Variants in VDAC1 observed in about 807,000 individuals in gnomAD.
The protein encoded by VDAC1 is voltage dependent anion channel 1.
A neutral mutation model predicts 34.7 loss-of-function variants in VDAC1; 10 were observed. The ratio of observed to expected loss-of-function variants is 0.29; its 90% confidence interval spans 0.18 to 0.49. The LOEUF (loss-of-function observed/expected upper bound fraction) is 0.49, where lower values mean the gene tolerates loss of function less well. VDAC1 is among the 20% of genes least tolerant of loss of function. The pLI is 0.99. For missense variants in VDAC1, 230 were observed against 347.9 expected (o/e 0.66, Z 2.69); for synonymous variants, 130 against 136.0 (o/e 0.96, Z 0.30).
the VDAC1 span, among the ~76,000 whole-genome samples, chr5:134,033,749 T>A: frequency 6.6e-6 from 1 of 150,928 alleles, no homozygotes; most frequent in Admixed American, 6.6e-5. Flanking sequence ...TCCCACCACT[T>A]TGGGAGGCCA....
chr5:134,074,337 TAA>T, the VDAC1 span, among the ~76,000 whole-genome samples: 2 of 150,708 alleles, frequency 1.3e-5, no homozygotes, highest in African/African-American at 4.9e-5. Flanking sequence ...AATAAATAAA[TAA>T]ATAAATAAAT....
At chr5:133,982,309 C>T (rs555472357) in intron 5 of VDAC1, among the ~76,000 whole-genome samples, 14 of 152,050 alleles carry the variant, frequency 9.2e-5, no homozygotes, top group African/African-American at 2.7e-4. Context: ...GTCAGAAGTT[C>T]GAGACCAGCC....
chr5:133,990,870 A>G lies in VDAC1; in HGVS notation c.308T>C (p.Phe103Ser). 6.4e-7 allele frequency: 1 copy of G among 1,560,914 alleles called. No homozygotes were observed. Among genetic ancestry groups the G allele is most frequent in the Non-Finnish European group, 8.7e-7 (1 of 1,152,340 alleles). The change falls in exon 5 of 9, where the codon TTC becomes TCC. Residue 103 changes from phenylalanine to serine, a missense_variant. Phe to Ser is a radical substitution (Grantham distance 155). Transcript: ENST00000265333. Reference protein sequence around the residue: ...RGLKLTFDSSFSPNTGKKNAK... With the variant: ...RGLKLTFDSSSSPNTGKKNAK... ...AAACTCTTACCCAGTGTTAGGTGAG[A>G]AGGATGAATCGAAGGTCAGCTTCAG...
At chr5:133,981,584 C>T (rs1425874255) in intron 5 of VDAC1, among the ~76,000 whole-genome samples, 1 of 152,160 alleles carries the variant, frequency 6.6e-6, no homozygotes, top group Non-Finnish European at 1.5e-5. Context: ...TGTTAGTTAG[C>T]CAGACAGTAT....
At chr5:134,077,450 T>C in the VDAC1 span, among the ~76,000 whole-genome samples, 7 of 152,168 alleles carry the variant, frequency 4.6e-5, no homozygotes, top group African/African-American at 7.2e-5. Context: ...AGATGCAGCC[T>C]CTACCCTCAT....
At chr5:134,046,250 G>A in the VDAC1 span, among the ~76,000 whole-genome samples, 13 of 151,604 alleles carry the variant, frequency 8.6e-5, no homozygotes, top group East Asian at 1.9e-4. Flanking sequence ...GGATTGTCTC[G>A]CTCTCCTGAC....
upstream of VDAC1, among the ~76,000 whole-genome samples, chr5:134,006,712 C>A (rs1753757912): frequency 6.8e-6 from 1 of 147,654 alleles, no homozygotes. Context: ...CGCTGTACTC[C>A]AGCCTGACTG....
the VDAC1 span, among the ~76,000 whole-genome samples, chr5:134,082,287 T>C: frequency 6.6e-6 from 1 of 152,246 alleles, no homozygotes; most frequent in Admixed American, 6.5e-5. Context: ...TTCCTTTATG[T>C]TTTCTAGAGT....
At chr5:133,977,947 G>T (rs1752539351) in intron 6 of VDAC1, among the ~76,000 whole-genome samples, 1 of 152,128 alleles carries the variant, frequency 6.6e-6, no homozygotes, top group Non-Finnish European at 1.5e-5. Flanking sequence ...GCATCAGATG[G>T]TCTTCAAGCC....
At chr5:134,023,538 A>G in the VDAC1 span, among the ~76,000 whole-genome samples, 1 of 152,088 alleles carries the variant, frequency 6.6e-6, no homozygotes. Flanking sequence ...CAGATAAATA[A>G]ATATGTAATT....
At chr5:134,015,536 C>G in the VDAC1 span, among the ~76,000 whole-genome samples, 1 of 152,182 alleles carries the variant, frequency 6.6e-6, no homozygotes, top group Non-Finnish European at 1.5e-5. Context: ...TCATAGCAGT[C>G]TGGATGAACT....
the VDAC1 span, among the ~76,000 whole-genome samples, chr5:134,076,432 G>A: frequency 6.6e-6 from 1 of 152,194 alleles, no homozygotes; most frequent in East Asian, 1.9e-4. Flanking sequence ...TGCCATATGT[G>A]TTTCGGTGTG....
chr5:134,033,251 G>C, the VDAC1 span, among the ~76,000 whole-genome samples: 8 of 147,876 alleles, frequency 5.4e-5, no homozygotes. Context: ...TCCACCTCCC[G>C]GGTTCAAGCG....
chr5:133,987,457 C>A (rs1019243154), intron 5 of VDAC1, among the ~76,000 whole-genome samples: 1 of 152,136 alleles, frequency 6.6e-6, no homozygotes, highest in African/African-American at 2.4e-5. Flanking sequence ...ACGGGTGGAT[C>A]GCTTGAGCTG....
chr5:134,065,918 C>T, the VDAC1 span, among the ~76,000 whole-genome samples: 2 of 150,740 alleles, frequency 1.3e-5, no homozygotes, highest in African/African-American at 4.9e-5. Context: ...TTCAGCCTCC[C>T]GAGTAGCTGG....
chr5:133,994,521 G>A (rs1414165735), intron 1 of VDAC1, among the ~76,000 whole-genome samples: 4 of 152,074 alleles, frequency 2.6e-5, no homozygotes, highest in Non-Finnish European at 5.9e-5. Context: ...TACACTGCCC[G>A]CCACTGGCTC....
the VDAC1 span, among the ~76,000 whole-genome samples, chr5:134,103,119 C>A: frequency 8.5e-5 from 13 of 152,136 alleles, no homozygotes; most frequent in Admixed American, 8.5e-4. Flanking sequence ...CGGTGTCATT[C>A]TTTTATTTAT....
At chr5:133,989,229 C>G (rs942772688) in intron 5 of VDAC1, 7 of 151,830 alleles carry the variant, frequency 4.6e-5, no homozygotes, top group Admixed American at 3.3e-4. Flanking sequence ...GGTAGATCCT[C>G]CCTCTAATAA....
At chr5:134,076,577 C>G in the VDAC1 span, among the ~76,000 whole-genome samples, 1 of 152,300 alleles carries the variant, frequency 6.6e-6, no homozygotes, top group Admixed American at 6.5e-5. Context: ...GGATTCAGGT[C>G]CCAGGAAGAT....
Sources: allele counts gnomAD v4.1 joint callset (sites outside exome capture counted in the v4.1 genomes callset), GRCh38; gene constraint gnomAD v4.1.1; transcripts MANE v1.5; gene names NCBI Gene and HGNC (gene_info 2026-07-23, HGNC 2026-07-21).